The following ARL15 variants were observed in gnomAD, a reference collection of about 807,000 sequenced individuals.
ARL15 encodes ARF like GTPase 15.
In ARL15, 19 loss-of-function variants were observed where a neutral mutation model predicts 25.2. The ratio of observed to expected loss-of-function variants is 0.75; its 90% confidence interval spans 0.53 to 1.10. The LOEUF is 1.10. Ranked by LOEUF, ARL15 falls within the 50% of genes least tolerant of loss-of-function variation. The probability of loss-of-function intolerance (pLI) is 0.00; values close to 1 mark genes in which losing one functional copy is unlikely to be tolerated. For synonymous variants in ARL15, 94 were observed against 86.8 expected (o/e 1.08, Z -0.46); for missense variants, 220 against 246.0 (o/e 0.89, Z 0.71).
intron 4 of ARL15, among the ~76,000 whole-genome samples, chr5:54,057,131 G>A (rs1490922851): frequency 6.6e-6 from 1 of 152,064 alleles, no homozygotes; most frequent in Non-Finnish European, 1.5e-5. Flanking sequence ...TTTATAGTCA[G>A]CCTGCAATAG....
At chr5:54,170,736 C>A (rs1321649466) in intron 2 of ARL15, among the ~76,000 whole-genome samples, 1 of 152,202 alleles carries the variant, frequency 6.6e-6, no homozygotes, top group African/African-American at 2.4e-5. Context: ...CCAGGCAACA[C>A]TGTCATGCCC....
chr5:54,280,602 A>T (rs1218941447), intron 1 of ARL15, among the ~76,000 whole-genome samples: 2 of 152,248 alleles, frequency 1.3e-5, no homozygotes, highest in East Asian at 1.9e-4. Context: ...GCCCTCAAGG[A>T]ACTTACAAGC....
At chr5:53,982,648 A>G (rs1748163332) in intron 4 of ARL15, among the ~76,000 whole-genome samples, 1 of 152,144 alleles carries the variant, frequency 6.6e-6, no homozygotes, top group African/African-American at 2.4e-5. Flanking sequence ...GTAAATATAC[A>G]TGTGCATGTG....
At chr5:53,932,405 G>A (rs982557209) in intron 4 of ARL15, among the ~76,000 whole-genome samples, 5 of 152,162 alleles carry the variant, frequency 3.3e-5, no homozygotes, top group Non-Finnish European at 7.3e-5. Flanking sequence ...CCCTTCATAG[G>A]AGAGCCTTGC....
chr5:54,054,789 CAAA>C (rs1330400493), intron 4 of ARL15, among the ~76,000 whole-genome samples: 2 of 151,788 alleles, frequency 1.3e-5, no homozygotes, highest in African/African-American at 4.8e-5. Flanking sequence ...GACTCCGTCT[CAAA>C]AAAATAAAAG....
intron 4 of ARL15, among the ~76,000 whole-genome samples, chr5:53,896,517 G>A (rs369732074): frequency 2.0e-4 from 30 of 150,814 alleles, no homozygotes; most frequent in East Asian, 7.9e-4. Flanking sequence ...CTTTTGAGAC[G>A]GAATCTCACT....
intron 4 of ARL15, among the ~76,000 whole-genome samples, chr5:53,953,783 T>A (rs1747052221): frequency 6.6e-6 from 1 of 152,138 alleles, no homozygotes; most frequent in Non-Finnish European, 1.5e-5. Flanking sequence ...TACGGATATA[T>A]CAAAAGTTCT....
intron 4 of ARL15, among the ~76,000 whole-genome samples, chr5:53,977,185 A>G (rs890568961): frequency 6.6e-5 from 10 of 151,968 alleles, no homozygotes; most frequent in Non-Finnish European, 1.0e-4. Context: ...GTGAAACCCC[A>G]TCTCTACTAA....
chr5:54,131,710 C>T (rs1753443755), intron 3 of ARL15, among the ~76,000 whole-genome samples: 1 of 152,170 alleles, frequency 6.6e-6, no homozygotes, highest in Admixed American at 6.5e-5. Context: ...AAGTACTATA[C>T]TAGGTGCAGA....
intron 4 of ARL15, among the ~76,000 whole-genome samples, chr5:54,000,385 T>C (rs542123511): frequency 1.3e-5 from 2 of 152,298 alleles, no homozygotes; most frequent in African/African-American, 4.8e-5. Flanking sequence ...AACGCCTGGA[T>C]AGACTCTCAC....
At chr5:54,215,615 C>T (rs1420115712) in intron 1 of ARL15, among the ~76,000 whole-genome samples, 3 of 77,324 alleles carry the variant, frequency 3.9e-5, no homozygotes, top group East Asian at 2.5e-4. Flanking sequence ...GCTAAGTGCG[C>T]GAAGGGGGGA....
intron 1 of ARL15, among the ~76,000 whole-genome samples, chr5:54,259,958 C>T (rs1312080706): frequency 6.6e-6 from 1 of 152,140 alleles, no homozygotes; most frequent in Non-Finnish European, 1.5e-5. Flanking sequence ...TCTGTGAATA[C>T]AGACAAACAG....
chr5:53,981,186 AT>A (rs1184736403), intron 4 of ARL15, among the ~76,000 whole-genome samples: 2 of 152,218 alleles, frequency 1.3e-5, no homozygotes, highest in East Asian at 1.9e-4. Context: ...AGAAAAAAAA[AT>A]CCTACAGAAT....
chr5:54,263,894 C>G (rs183699511), intron 1 of ARL15, among the ~76,000 whole-genome samples: 43 of 152,168 alleles, frequency 2.8e-4, no homozygotes, highest in African/African-American at 9.9e-4. Flanking sequence ...CTATGTGTCC[C>G]CTGTCTCAGT....
intron 3 of ARL15, among the ~76,000 whole-genome samples, chr5:54,119,520 T>A (rs536230100): frequency 6.6e-6 from 1 of 152,246 alleles, no homozygotes; most frequent in South Asian, 2.1e-4. Flanking sequence ...CTAATACTTG[T>A]CCAGAAAACT....
At chr5:54,076,224 GGC>G (rs1321088747) in intron 4 of ARL15, among the ~76,000 whole-genome samples, 1 of 151,126 alleles carries the variant, frequency 6.6e-6, no homozygotes, top group Non-Finnish European at 1.5e-5. Flanking sequence ...AGACCATCCT[GGC>G]TAATACAGTG....
chr5:54,040,974 C>T (rs956255434), intron 4 of ARL15, among the ~76,000 whole-genome samples: 7 of 152,200 alleles, frequency 4.6e-5, no homozygotes, highest in Non-Finnish European at 7.3e-5. Context: ...ATTACTGCAA[C>T]ATCCCTGCCA....
chr5:54,285,941 T>C (rs965592889), intron 1 of ARL15, among the ~76,000 whole-genome samples: 2 of 152,166 alleles, frequency 1.3e-5, no homozygotes, highest in Non-Finnish European at 2.9e-5. Flanking sequence ...AGGTCGCGTC[T>C]GTCAATTATG....
chr5:54,153,796 A>AT (rs1249348287), intron 3 of ARL15, among the ~76,000 whole-genome samples: 104 of 152,352 alleles, frequency 6.8e-4, no homozygotes, highest in African/African-American at 2.4e-3. Flanking sequence ...AAAATAGGTC[A>AT]CAGTTAGAAT....
Sources: allele counts gnomAD v4.1 joint callset (sites outside exome capture counted in the v4.1 genomes callset), GRCh38; gene constraint gnomAD v4.1.1; transcripts MANE v1.5; gene names NCBI Gene and HGNC (gene_info 2026-07-23, HGNC 2026-07-21).